STPG2: variants seen among roughly 807,000 people sequenced by gnomAD.
STPG2 encodes sperm-tail PG-rich repeat-containing protein 2.
Under a neutral mutation model 54.2 loss-of-function variants are expected in STPG2, and 56 were observed. That is an observed-to-expected ratio of 1.03 (90% CI 0.83 to 1.29). The LOEUF (loss-of-function observed/expected upper bound fraction) is 1.29. Among genes scored for constraint, STPG2 ranks in the 50% most tolerant of loss-of-function variants. The probability of loss-of-function intolerance (pLI) is 0.00; values close to 1 mark genes in which losing one functional copy is unlikely to be tolerated. For missense variants in STPG2, 596 were observed against 544.9 expected, an observed-to-expected ratio of 1.09 and a Z score of -0.93; for synonymous variants, 200 against 181.8, an observed-to-expected ratio of 1.10 and a Z score of -0.81.
At chr4:97,904,809 T>C (rs927001393) in intron 8 of STPG2, among the ~76,000 whole-genome samples, 1 of 152,134 alleles carries the variant, frequency 6.6e-6, no homozygotes, top group African/African-American at 2.4e-5. Flanking sequence ...ACGTGAAGAA[T>C]GCAGAAGGCT....
intron 2 of STPG2, among the ~76,000 whole-genome samples, chr4:98,129,709 C>T (rs1376831795): frequency 6.6e-6 from 1 of 152,048 alleles, no homozygotes; most frequent in African/African-American, 2.4e-5. Context: ...AAAGTACTGG[C>T]ATTTAAAGCA....
intron 8 of STPG2, among the ~76,000 whole-genome samples, chr4:97,902,344 C>T (rs908481187): frequency 2.0e-5 from 3 of 151,970 alleles, no homozygotes; most frequent in African/African-American, 7.2e-5. Context: ...GCAAAGGAGA[C>T]AATCAACAAA....
intron 8 of STPG2, among the ~76,000 whole-genome samples, chr4:97,877,039 A>G (rs983701691): frequency 7.9e-5 from 12 of 152,214 alleles, no homozygotes; most frequent in Admixed American, 4.6e-4. Flanking sequence ...TTGTAGAAAC[A>G]TTGATAAAAC....
intron 9 of STPG2, among the ~76,000 whole-genome samples, chr4:97,778,500 C>G (rs1171388959): frequency 6.6e-6 from 1 of 152,192 alleles, no homozygotes; most frequent in African/African-American, 2.4e-5. Flanking sequence ...GACTCCACCT[C>G]TACGGGCAGG....
intron 8 of STPG2, among the ~76,000 whole-genome samples, chr4:97,927,704 G>C (rs1477286634): frequency 6.6e-6 from 1 of 152,030 alleles, no homozygotes; most frequent in East Asian, 1.9e-4. Flanking sequence ...CCTAAAGAGA[G>C]TGACTTCTAT....
chr4:97,746,332 A>G (rs1351650316), intron 9 of STPG2, among the ~76,000 whole-genome samples: 1 of 151,274 alleles, frequency 6.6e-6, no homozygotes, highest in Non-Finnish European at 1.5e-5. Context: ...TAAGTCCATG[A>G]ATTTTAAAGC....
chr4:97,940,286 C>A (rs1266023137), intron 8 of STPG2, among the ~76,000 whole-genome samples: 1 of 152,138 alleles, frequency 6.6e-6, no homozygotes, highest in African/African-American at 2.4e-5. Context: ...CAGGGATGAT[C>A]TTCTTGTGTA....
intron 8 of STPG2, among the ~76,000 whole-genome samples, chr4:97,921,613 CA>C (rs1311617255): frequency 6.6e-6 from 1 of 151,386 alleles, no homozygotes; most frequent in Non-Finnish European, 1.5e-5. Context: ...AAAAAGAAAG[CA>C]AAAAACCTAC....
At chr4:97,782,060 T>C (rs926527793) in intron 9 of STPG2, among the ~76,000 whole-genome samples, 1 of 152,196 alleles carries the variant, frequency 6.6e-6, no homozygotes, top group Non-Finnish European at 1.5e-5. Context: ...CTATTCAGCA[T>C]AGTGTTGGAA....
chr4:97,731,014 A>G (rs1388452135), intron 9 of STPG2, among the ~76,000 whole-genome samples: 1 of 152,176 alleles, frequency 6.6e-6, no homozygotes, highest in African/African-American at 2.4e-5. Flanking sequence ...AGCCACTTCA[A>G]TATGGTTAGG....
At chr4:97,712,935 C>T in intron 9 of STPG2, 121 bp from the exon 10 acceptor site, 1 of 574,256 alleles carries the variant, frequency 1.7e-6, no homozygotes, top group Non-Finnish European at 2.8e-6. Flanking sequence ...ATCTTGAACC[C>T]ATTGTTTTTG....
intron 5 of STPG2, among the ~76,000 whole-genome samples, chr4:98,104,737 G>A (rs1164247626): frequency 6.6e-6 from 1 of 152,098 alleles, no homozygotes; most frequent in Non-Finnish European, 1.5e-5. Flanking sequence ...TTTAAATTAT[G>A]TATTTCAGAG....
chr4:97,847,070 C>G (rs185038589), intron 8 of STPG2, among the ~76,000 whole-genome samples: 1 of 152,220 alleles, frequency 6.6e-6, no homozygotes, highest in East Asian at 1.9e-4. Context: ...AACTTTCAAG[C>G]AAAATCTTTA....
intron 8 of STPG2, among the ~76,000 whole-genome samples, chr4:97,917,571 G>A (rs539096341): frequency 1.0e-3 from 152 of 152,018 alleles, no homozygotes; most frequent in South Asian, 2.1e-3. Flanking sequence ...AAACATAATG[G>A]TTAAAACTTA....
chr4:98,015,342 A>G (rs1309402566), intron 5 of STPG2, among the ~76,000 whole-genome samples: 1 of 152,192 alleles, frequency 6.6e-6, no homozygotes, highest in African/African-American at 2.4e-5. Context: ...ATCTACAAAG[A>G]ATTTAAACAA....
At chr4:97,691,180 T>C (rs1242514304) in intron 10 of STPG2, among the ~76,000 whole-genome samples, 7 of 151,652 alleles carry the variant, frequency 4.6e-5, no homozygotes, top group Admixed American at 4.6e-4. Context: ...TTGAAGGAGG[T>C]GGATTGCCAC....
At chr4:97,814,320 A>G (rs1018986582) in intron 9 of STPG2, among the ~76,000 whole-genome samples, 1 of 151,810 alleles carries the variant, frequency 6.6e-6, no homozygotes, top group African/African-American at 2.4e-5. Flanking sequence ...TCTAAGATAC[A>G]TTTTGTTTTG....
chr4:97,624,545 T>C (rs577454671), intron 10 of STPG2, among the ~76,000 whole-genome samples: 1 of 152,330 alleles, frequency 6.6e-6, no homozygotes, highest in Non-Finnish European at 1.5e-5. Flanking sequence ...GGTGGATAGG[T>C]TGCAAAAAAT....
chr4:97,875,607 T>G (rs1730145926), intron 8 of STPG2, among the ~76,000 whole-genome samples: 1 of 152,024 alleles, frequency 6.6e-6, no homozygotes, highest in Non-Finnish European at 1.5e-5. Context: ...ATAGTTATCC[T>G]TATATCCCCA....
Sources: gnomAD v4.1 joint callset for allele counts (sites outside exome capture counted in the v4.1 genomes callset) on GRCh38, gnomAD v4.1.1 for gene constraint, MANE v1.5 for transcripts, NCBI Gene and HGNC (gene_info 2026-07-23, HGNC 2026-07-21) for gene names.